VGLL4: variants seen among roughly 807,000 people sequenced by gnomAD.
The protein encoded by VGLL4 is vestigial like family member 4.
A neutral mutation model predicts 21.0 loss-of-function variants in VGLL4; 7 were observed. The ratio of observed to expected loss-of-function variants is 0.33; its 90% confidence interval spans 0.19 to 0.63. VGLL4 has a LOEUF of 0.63. Among genes scored for constraint, VGLL4 ranks in the 20% least tolerant of loss-of-function variants. VGLL4 has a pLI of 0.78. For missense variants in VGLL4, 394 were observed against 425.7 expected (o/e 0.93, Z 0.66); for synonymous variants, 222 against 173.2 (o/e 1.28, Z -2.21).
chr3:11,559,212 T>C, intron 4 of VGLL4, 120 bp downstream of exon 4: 1 of 1,421,960 alleles, frequency 7.0e-7, no homozygotes, highest in Non-Finnish European at 9.2e-7. Flanking sequence ...CAAGAAATAC[T>C]TTTTCAACCT....
intron 2 of VGLL4, among the ~76,000 whole-genome samples, chr3:11,599,692 G>C (rs949507620): frequency 6.8e-6 from 1 of 147,514 alleles, no homozygotes; most frequent in African/African-American, 2.5e-5. Context: ...CTAGTTTTTT[G>C]TAATTTTAGT....
Position 11,559,424 on chromosome 3 carries a change from G to A in VGLL4, c.527C>T (p.Ala176Val). 1 of 1,566,032 alleles carries A rather than the reference G, an allele frequency of 6.4e-7. No individual in the cohort carries two copies. Among genetic ancestry groups the A allele is most frequent in the South Asian group, 1.2e-5 (1 of 85,170 alleles). ...NRPSVITCAS[A>V]GARNCNLSHC... ...CGAGAGGTTGCAGTTGCGGGCGCCA[G>A]CCGAGGCACAGGTGATCACGGAGGG... The change falls in exon 4 of 5, where the codon GCT becomes GTT. Residue 176 changes from alanine (A) to valine (V), a missense_variant. Ala to Val is a moderately conservative substitution (Grantham distance 64). Coordinates refer to ENST00000430365, the MANE Select transcript of VGLL4 (RefSeq NM_001128219.3).
chr3:11,572,700 G>T (rs1354957587), intron 2 of VGLL4, among the ~76,000 whole-genome samples: 1 of 152,140 alleles, frequency 6.6e-6, no homozygotes, highest in Admixed American at 6.5e-5. Context: ...TTGTACAACC[G>T]TGTCTTTCCC....
chr3:11,582,501 G>C, intron 2 of VGLL4: 1 of 758,784 alleles, frequency 1.3e-6, no homozygotes, highest in Non-Finnish European at 2.1e-6. Flanking sequence ...CCTGGGGTAG[G>C]TCAGGAACTC....
At chr3:11,623,103 C>T (rs552436753) in intron 1 of VGLL4, among the ~76,000 whole-genome samples, 2 of 152,204 alleles carry the variant, frequency 1.3e-5, no homozygotes, top group South Asian at 2.1e-4. Context: ...GTGATGTCAC[C>T]TCATACATAT....
chr3:11,627,595 CAAAAAAAA>C (rs57607183), intron 1 of VGLL4, among the ~76,000 whole-genome samples: 3,678 of 118,842 alleles, frequency 0.031, 59 homozygotes, highest in Non-Finnish European at 0.048. Flanking sequence ...AACTTCATCT[CAAAAAAAA>C]AAAAAAAAAA....
At chr3:11,677,168 T>C (rs2076302798) in intron 2 of VGLL4, among the ~76,000 whole-genome samples, 1 of 152,200 alleles carries the variant, frequency 6.6e-6, no homozygotes, top group Admixed American at 6.5e-5. Context: ...CATACATTCC[T>C]AAAAGGAGAA....
intron 2 of VGLL4, among the ~76,000 whole-genome samples, chr3:11,658,784 T>A (rs1203638074): frequency 6.6e-6 from 1 of 152,122 alleles, no homozygotes; most frequent in Non-Finnish European, 1.5e-5. Context: ...TATGCACTTA[T>A]AAAACGCACT....
chr3:11,569,127 A>C (rs2073671079), intron 2 of VGLL4, among the ~76,000 whole-genome samples: 1 of 152,196 alleles, frequency 6.6e-6, no homozygotes, highest in Non-Finnish European at 1.5e-5. Context: ...ATCACGTGAA[A>C]GAAGTGCACT....
chr3:11,693,631 A>G (rs2076564137), intron 2 of VGLL4, among the ~76,000 whole-genome samples: 1 of 152,058 alleles, frequency 6.6e-6, no homozygotes, highest in African/African-American at 2.4e-5. Flanking sequence ...TAGCTGAGGT[A>G]CTTACTGGGA....
In VGLL4 at chr3:11,558,751, C is replaced by A. The variant is rs752590399; in HGVS notation, c.696G>T (p.Pro232=). ...SLGKNYKEPE[P]APNSVSITGS... ...CCGTGATGGACACGGAGTTGGGTGC[C>A]GGCTCGGGCTCCTTGTAATTCTTGC... The change falls in exon 5 of 5, where the codon CCG becomes CCT. Residue 232 remains proline (P), a synonymous_variant. Coordinates refer to ENST00000430365, the MANE Select transcript of VGLL4 (RefSeq NM_001128219.3). 25 of 1,614,060 alleles carry A rather than the reference C, an allele frequency of 1.5e-5. No homozygotes were observed. Among genetic ancestry groups the A allele is most frequent in the African/African-American group, 2.7e-5 (2 of 74,934 alleles).
intron 1 of VGLL4, among the ~76,000 whole-genome samples, chr3:11,705,495 CT>C (rs2076747529): frequency 6.6e-6 from 1 of 152,202 alleles, no homozygotes; most frequent in Admixed American, 6.5e-5. Context: ...GAGGGAAAAC[CT>C]AACAGTGCTC....
chr3:11,643,268 C>T (rs555885730), intron 1 of VGLL4, among the ~76,000 whole-genome samples, 169 bp downstream of exon 1: 2 of 152,318 alleles, frequency 1.3e-5, no homozygotes, highest in South Asian at 2.1e-4. Flanking sequence ...CCCCCGCAGC[C>T]TGAGATCCGA....
chr3:11,576,676 T>G (rs558356550), intron 2 of VGLL4, among the ~76,000 whole-genome samples: 1 of 152,290 alleles, frequency 6.6e-6, no homozygotes, highest in East Asian at 1.9e-4. Context: ...GACCATCCAG[T>G]GCTAGTCAAC....
chr3:11,709,435 TAAAAAAAAAAA>T (rs58100629), intron 1 of VGLL4, among the ~76,000 whole-genome samples: 35 of 108,848 alleles, frequency 3.2e-4, no homozygotes, highest in African/African-American at 6.7e-4. Context: ...AGACTCCGTC[TAAAAAAAAAAA>T]AAAAAAAAAA....
intron 1 of VGLL4, among the ~76,000 whole-genome samples, chr3:11,637,857 T>G (rs374158077): frequency 6.6e-6 from 1 of 152,226 alleles, no homozygotes; most frequent in South Asian, 2.1e-4. Flanking sequence ...CATTAAAAAA[T>G]AAAAGACGGA....
chr3:11,563,304 G>T (rs1201613158), intron 3 of VGLL4, among the ~76,000 whole-genome samples: 1 of 152,246 alleles, frequency 6.6e-6, no homozygotes, highest in Non-Finnish European at 1.5e-5. Context: ...AGAGAGCCAG[G>T]TTCTGCCTGC....
At chr3:11,589,997 G>A (rs1341482876) in intron 2 of VGLL4, among the ~76,000 whole-genome samples, 3 of 152,184 alleles carry the variant, frequency 2.0e-5, no homozygotes, top group Non-Finnish European at 1.5e-5. Context: ...AATTCCATTT[G>A]AGAAACTCGG....
chr3:11,671,061 G>C (rs113593696), intron 2 of VGLL4, among the ~76,000 whole-genome samples: 5,049 of 152,202 alleles, frequency 0.033, 261 homozygotes, highest in African/African-American at 0.12. Context: ...GGAGAGGGTG[G>C]TGCATTAAGG....
Sources: gnomAD v4.1 joint callset for allele counts (sites outside exome capture counted in the v4.1 genomes callset) on GRCh38, gnomAD v4.1.1 for gene constraint, MANE v1.5 for transcripts, NCBI Gene and HGNC (gene_info 2026-07-23, HGNC 2026-07-21) for gene names.